The following SLC26A7 variants were observed in gnomAD, a reference collection of about 807,000 sequenced individuals.
SLC26A7 encodes anion exchange transporter.
Under a neutral mutation model 82.5 loss-of-function variants are expected in SLC26A7, and 59 were observed. That is an observed-to-expected ratio of 0.72 (90% CI 0.58 to 0.89). The LOEUF (loss-of-function observed/expected upper bound fraction) is 0.89. Among genes scored for constraint, SLC26A7 ranks in the 40% least tolerant of loss-of-function variants. The probability of loss-of-function intolerance (pLI) is 0.00; values close to 1 mark genes in which losing one functional copy is unlikely to be tolerated. For synonymous variants in SLC26A7, 271 were observed against 274.3 expected (o/e 0.99, Z 0.12); for missense variants, 820 against 793.0 (o/e 1.03, Z -0.41).
chr8:91,274,311 A>G (rs1056591778), intron 2 of SLC26A7, among the ~76,000 whole-genome samples: 8 of 152,252 alleles, frequency 5.3e-5, no homozygotes, highest in African/African-American at 1.7e-4. Context: ...TTGTGCTGCT[A>G]TAATAAAATG....
intron 7 of SLC26A7, among the ~76,000 whole-genome samples, chr8:91,339,002 A>G (rs2130838271): frequency 6.6e-6 from 1 of 152,284 alleles, no homozygotes; most frequent in African/African-American, 2.4e-5. Context: ...ATTCTCAGGA[A>G]TTAAAAAGGG....
At chr8:91,296,691 G>A (rs1812026549) in intron 4 of SLC26A7, among the ~76,000 whole-genome samples, 1 of 152,166 alleles carries the variant, frequency 6.6e-6, no homozygotes, top group South Asian at 2.1e-4. Flanking sequence ...GTCCTTGAAA[G>A]AAATAGACCA....
chr8:91,390,482 C>G (rs1814932445), intron 16 of SLC26A7, among the ~76,000 whole-genome samples: 1 of 151,972 alleles, frequency 6.6e-6, no homozygotes, highest in Non-Finnish European at 1.5e-5. Context: ...TCCCTCAATA[C>G]CCTGAATTGG....
At chr8:91,282,359 A>G (rs560870799) in intron 2 of SLC26A7, among the ~76,000 whole-genome samples, 1 of 152,282 alleles carries the variant, frequency 6.6e-6, no homozygotes, top group African/African-American at 2.4e-5. Context: ...CACAGGATGG[A>G]ACAACCCCTC....
intron 14 of SLC26A7, among the ~76,000 whole-genome samples, chr8:91,367,012 AT>A (rs956338736): frequency 1.3e-3 from 189 of 145,490 alleles, no homozygotes; most frequent in East Asian, 1.6e-3. Context: ...CCTCCAAAGG[AT>A]TTTTTTTTTT....
At chr8:91,329,360 A>C (rs1036894415) in intron 5 of SLC26A7, among the ~76,000 whole-genome samples, 3 of 152,172 alleles carry the variant, frequency 2.0e-5, no homozygotes, top group Non-Finnish European at 4.4e-5. Flanking sequence ...GACAGTCATT[A>C]GAATGACATT....
At chr8:91,227,067 T>G (rs1810248847) in intron 2 of SLC26A7, among the ~76,000 whole-genome samples, 1 of 152,218 alleles carries the variant, frequency 6.6e-6, no homozygotes, top group African/African-American at 2.4e-5. Flanking sequence ...AGAAACTTAA[T>G]CAATCTCACT....
At chr8:91,351,922 T>A in intron 10 of SLC26A7, 35 bp downstream of exon 10, 1 of 1,453,852 alleles carries the variant, frequency 6.9e-7, no homozygotes, top group Non-Finnish European at 9.6e-7. Context: ...TACTTTTTAA[T>A]TTAACTTTTC....
At chr8:91,386,716 A>C (rs1814808981) in intron 15 of SLC26A7, among the ~76,000 whole-genome samples, 1 of 152,142 alleles carries the variant, frequency 6.6e-6, no homozygotes, top group African/African-American at 2.4e-5. Context: ...GATCTGTAGC[A>C]TTTGCCAATT....
chr8:91,237,094 C>T (rs576003498), intron 2 of SLC26A7, among the ~76,000 whole-genome samples: 3 of 152,318 alleles, frequency 2.0e-5, no homozygotes, highest in African/African-American at 7.2e-5. Flanking sequence ...CCTGGTAACA[C>T]AGCAAGCTGG....
At chr8:91,384,464 C>G (rs2130898786) in intron 15 of SLC26A7, among the ~76,000 whole-genome samples, 1 of 152,254 alleles carries the variant, frequency 6.6e-6, no homozygotes, top group South Asian at 2.1e-4. Flanking sequence ...ATCAAATCTA[C>G]AAAGTCCCTT....
intron 15 of SLC26A7, among the ~76,000 whole-genome samples, chr8:91,386,277 A>G (rs1347863264): frequency 6.6e-6 from 1 of 152,154 alleles, no homozygotes; most frequent in Non-Finnish European, 1.5e-5. Flanking sequence ...CATTACTATT[A>G]TGTTTGGTAG....
intron 5 of SLC26A7, among the ~76,000 whole-genome samples, chr8:91,322,201 A>G (rs910331170): frequency 6.6e-6 from 1 of 152,036 alleles, no homozygotes; most frequent in Non-Finnish European, 1.5e-5. Context: ...AGAAACAAAT[A>G]TATCTTCTGT....
In SLC26A7 at chr8:91,370,374, CCTT is replaced by C. The variant is rs753227581; in HGVS notation, c.1675+548_1675+550del. ...TTTCCTTTTCTCTCCTCTTTCCTCT[CCTT>C]CTTCTTTTCATTTACTTAAACATTT... On this transcript the variant is annotated intron_variant, in intron 15 of 18. Transcript: ENST00000276609. 4.0e-4 allele frequency among the ~76,000 whole-genome samples: 60 copies of C among 151,796 alleles called. 1 individual carries two copies. The highest frequency in any genetic ancestry group is 4.0e-4 in the Non-Finnish European group (27 of 67,846).
intron 2 of SLC26A7, among the ~76,000 whole-genome samples, chr8:91,261,304 A>AT (rs1460367716): frequency 6.6e-6 from 1 of 152,056 alleles, no homozygotes; most frequent in African/African-American, 2.4e-5. Flanking sequence ...GGGGCTTATT[A>AT]TTTTTTCTGT....
chr8:91,292,165 C>T (rs1319584694), intron 3 of SLC26A7, among the ~76,000 whole-genome samples: 14 of 152,068 alleles, frequency 9.2e-5, no homozygotes, highest in Admixed American at 5.9e-4. Context: ...ATTAGCTGGA[C>T]GTGGTGGCGG....
chr8:91,335,405 A>C (rs1586424183), intron 6 of SLC26A7, among the ~76,000 whole-genome samples: 1 of 152,276 alleles, frequency 6.6e-6, no homozygotes, highest in African/African-American at 2.4e-5. Flanking sequence ...TATAATATGT[A>C]TGTGTGTATA....
chr8:91,211,603 T>A, intron 1 of SLC26A7, among the ~76,000 whole-genome samples: 1 of 138,510 alleles, frequency 7.2e-6, no homozygotes, highest in African/African-American at 2.7e-5. Flanking sequence ...CAAATATATA[T>A]ATATATATAT....
intron 2 of SLC26A7, among the ~76,000 whole-genome samples, chr8:91,241,402 C>G (rs982511481): frequency 1.3e-5 from 2 of 152,060 alleles, no homozygotes; most frequent in Non-Finnish European, 2.9e-5. Flanking sequence ...TTTTAAAACA[C>G]TTTTCTATAC....
Sources: gnomAD v4.1 joint callset for allele counts (sites outside exome capture counted in the v4.1 genomes callset) on GRCh38, gnomAD v4.1.1 for gene constraint, MANE v1.5 for transcripts, NCBI Gene and HGNC (gene_info 2026-07-23, HGNC 2026-07-21) for gene names.